Variants in PSMA2 observed in about 807,000 individuals in gnomAD.
PSMA2 encodes proteasome subunit alpha type-2.
In PSMA2, 2 loss-of-function variants were observed where a neutral mutation model predicts 35.9. The ratio of observed to expected loss-of-function variants is 0.06; its 90% CI spans 0.02 to 0.18. The LOEUF is 0.18. PSMA2 is among the 10% of genes least tolerant of loss of function. PSMA2 has a pLI of 1.00. For missense variants in PSMA2, 126 were observed against 278.8 expected (o/e 0.45, Z 3.90); for synonymous variants, 97 against 98.2 (o/e 0.99, Z 0.07).
rs1057050780 is a variant in PSMA2, at chr7:42,924,924, A to G, written c.252-127T>C. On this transcript the variant is annotated intron_variant, in intron 3 of 7. Transcript: ENST00000223321. The stretch of plus-strand genomic sequence containing the variant: ...GTATCTCTTTAATGGTGGCTATTGG[A>G]TCAAAGCTAGTCTTACTCTAACACT... 18 of 842,544 alleles carry G rather than the reference A, an allele frequency of 2.1e-5. No individual in the cohort carries two copies. In the East Asian group the frequency reaches 5.8e-4, roughly 27 times the overall value. 52.2% of individuals were successfully genotyped at this position (842,544 alleles called of 1,614,324 possible). A position where few individuals can be genotyped will look rare whatever the true frequency, so the allele number is the denominator to read the frequency against.
At chr7:42,930,239 ACACACACAC>A (rs1212486045) in intron 1 of PSMA2, among the ~76,000 whole-genome samples, 3 of 151,626 alleles carry the variant, frequency 2.0e-5, no homozygotes, top group Non-Finnish European at 4.4e-5. Context: ...ACACACACAC[ACACACACAC>A]AAGTTTGGTT....
chr7:42,925,560 A>C (rs1471121199), intron 3 of PSMA2, among the ~76,000 whole-genome samples: 1 of 152,262 alleles, frequency 6.6e-6, no homozygotes, highest in East Asian at 1.9e-4. Flanking sequence ...AAATGATAAA[A>C]GCAATACCCA....
Position 42,924,722 on chromosome 7 carries a change from C to A in PSMA2, c.327G>T (p.Gln109His). The A allele has an allele frequency of 6.2e-7, 1 of 1,613,416 alleles. No homozygotes were observed. The highest frequency in any genetic ancestry group is 8.5e-7 in the Non-Finnish European group (1 of 1,179,558). Reference protein sequence around the residue: ...LVYQEPIPTAQLVQRVASVMQ... With the variant: ...LVYQEPIPTAHLVQRVASVMQ... ...TCACAGAAGCTACTCTCTGTACCAG[C>A]TGAGCTGTAGGAATGGGTTCTTGGT... is the stretch of plus-strand genomic sequence containing the variant. Residue 109 changes from glutamine (Q) to histidine (H), a missense_variant, in exon 4 of 8, where the codon CAG (glutamine) becomes CAT (histidine). By Grantham distance (24) the Gln-to-His change is conservative (BLOSUM62 0). Around this residue, in one of 3 missense-constraint regions of PSMA2, gnomAD observed 78 missense variants for 151.1 expected, o/e 0.52. Transcript: ENST00000223321.
rs1485693327 is a variant in PSMA2 at position 42,917,472 on chromosome 7, T to C, written c.*102A>G. ...TTTTAAAAACAGTCGATTTAAACCA[T>C]GTAGAAATAAGTATGCAAAAAGTCT... On this transcript the variant is annotated 3_prime_UTR_variant, in exon 8 of 8. Coordinates refer to ENST00000223321, the MANE Select transcript of PSMA2 (RefSeq NM_002787.5). The C allele has an allele frequency of 5.9e-6, 5 of 848,968 alleles. No individual in the cohort carries two copies. The highest frequency in any genetic ancestry group is 7.6e-6 in the Non-Finnish European group (4 of 524,878). 52.6% of individuals were successfully genotyped at this position (848,968 alleles called of 1,614,324 possible). A position where few individuals can be genotyped will look rare whatever the true frequency, so the allele number is the denominator to read the frequency against.
intron 6 of PSMA2, chr7:42,919,350 A>T: frequency 1.7e-6 from 1 of 577,108 alleles, no homozygotes; most frequent in Non-Finnish European, 3.5e-6. Context: ...TAAACACATT[A>T]TCAAGACTAT....
intron 1 of PSMA2, among the ~76,000 whole-genome samples, chr7:42,931,874 G>A (rs774311571): frequency 1.4e-5 from 2 of 144,392 alleles, no homozygotes; most frequent in Non-Finnish European, 3.0e-5. Flanking sequence ...GTGCCTCACC[G>A]TCCCGCAGCC....
intron 6 of PSMA2, 106 bp downstream of exon 6, chr7:42,921,752 G>C (rs1786132353): frequency 1.1e-6 from 1 of 880,928 alleles, no homozygotes; most frequent in Non-Finnish European, 1.8e-6. Flanking sequence ...CATATACAGA[G>C]TAATATAGCA....
intron 2 of PSMA2, 148 bp from the exon 3 acceptor site, chr7:42,926,816 C>G: frequency 1.0e-6 from 1 of 981,338 alleles, no homozygotes; most frequent in Non-Finnish European, 1.4e-6. Context: ...CCAAAATTAC[C>G]TAAGAAATGG....
At chr7:42,924,871 G>A in intron 3 of PSMA2, 74 bp from the exon 4 acceptor site, 1 of 1,402,576 alleles carries the variant, frequency 7.1e-7, no homozygotes, top group Non-Finnish European at 9.6e-7. Flanking sequence ...CCTTTTACAG[G>A]CATGTACCTG....
At chr7:42,919,329 A>C (rs1786087640) in intron 6 of PSMA2, 1 of 583,382 alleles carries the variant, frequency 1.7e-6, no homozygotes, top group Non-Finnish European at 3.4e-6. Context: ...TGAACTGATG[A>C]CCCTGGCTCA....
intron 5 of PSMA2, 78 bp from the exon 6 acceptor site, chr7:42,922,009 G>T: frequency 8.9e-7 from 1 of 1,120,920 alleles, no homozygotes; most frequent in Non-Finnish European, 1.3e-6. Context: ...TTAATTTTTA[G>T]CTTTATTAAT....
chr7:42,922,042 C>A, intron 5 of PSMA2, 111 bp from the exon 6 acceptor site: 1 of 775,098 alleles, frequency 1.3e-6, no homozygotes. Context: ...TCGAAGGTCA[C>A]AGAATATTAT....
rs995442093 is a variant in PSMA2 at position 42,929,903 on chromosome 7, G to C, written c.41+2215C>G. ...CTTATTCCTGAATCTTCAAATAGCT[G>C]GTTACTTTTAATCTTCCAGTCTCAA... On this transcript the variant is annotated intron_variant, in intron 1 of 7. Transcript: ENST00000223321. Among the ~76,000 whole-genome samples, 7 of 152,170 alleles carry C rather than the reference G, an allele frequency of 4.6e-5. No individual in the cohort carries two copies. In the East Asian group the frequency reaches 1.4e-3, roughly 29 times the overall value.
chr7:42,922,702 T>G (rs922362691), intron 5 of PSMA2, among the ~76,000 whole-genome samples: 5 of 152,198 alleles, frequency 3.3e-5, no homozygotes, highest in Non-Finnish European at 7.4e-5. Context: ...TTATAAGGTT[T>G]GCATTGAGTG....
chr7:42,917,168 G>C lies in PSMA2; in HGVS notation c.*406C>G, dbSNP rs1460248124. 5.9e-6 allele frequency: 1 copy of C among 169,102 alleles called. No homozygotes were observed. The highest frequency in any genetic ancestry group is 1.3e-5 in the Non-Finnish European group (1 of 79,034). The allele number at this position is 169,102 out of a possible 1,614,324, so 10.5% of individuals were successfully genotyped here. ...TTTCTTGTTCCATGAATCCGTGAAA[G>C]TCTGCAGATCCTCCCAGCTCTAGAA... is the stretch of plus-strand genomic sequence containing the variant. On this transcript the variant is annotated 3_prime_UTR_variant, in exon 8 of 8. Transcript: ENST00000223321.
intron 6 of PSMA2, chr7:42,920,839 T>C (rs529944100): frequency 6.6e-6 from 1 of 152,342 alleles, no homozygotes; most frequent in East Asian, 1.9e-4. Context: ...AATGAAATCC[T>C]GTCATTTGCA....
At chr7:42,923,246 G>A in intron 5 of PSMA2, 79 bp downstream of exon 5, 4 of 1,117,424 alleles carry the variant, frequency 3.6e-6, no homozygotes, top group Non-Finnish European at 4.0e-6. Flanking sequence ...AAATTGTAAA[G>A]TTTTTATGGC....
Position 42,927,478 on chromosome 7 carries a change from A to G in PSMA2, c.42-19T>C, listed in dbSNP as rs777813453. The G allele has an allele frequency of 1.2e-6, 2 of 1,605,452 alleles. No individual in the cohort carries two copies. The highest frequency in any genetic ancestry group is 2.2e-5 in the South Asian group (2 of 90,910). ...AGACGGGCTTAAAAGAAACACAGGT[A>G]TTTGTAAGTTCACATATCATCAAAT... is the stretch of plus-strand genomic sequence containing the variant. On this transcript the variant is annotated intron_variant, in intron 1 of 7. Coordinates refer to ENST00000223321, the MANE Select transcript of PSMA2 (RefSeq NM_002787.5).
chr7:42,926,048 T>C (rs1786212204), intron 3 of PSMA2, among the ~76,000 whole-genome samples: 1 of 152,244 alleles, frequency 6.6e-6, no homozygotes, highest in Non-Finnish European at 1.5e-5. Flanking sequence ...ATTGGGATCC[T>C]GGTTGGCTGC....
Sources: gnomAD v4.1 joint callset for allele counts (sites outside exome capture counted in the v4.1 genomes callset) on GRCh38, gnomAD v4.1.1 for gene constraint, gnomAD v4.1.1 regional missense constraint, MANE v1.5 for transcripts, NCBI Gene and HGNC (gene_info 2026-07-23, HGNC 2026-07-21) for gene names.